The following SCNN1A variants were observed in gnomAD, a reference collection of about 807,000 sequenced individuals.
SCNN1A encodes the protein sodium channel epithelial 1 subunit alpha.
A neutral mutation model predicts 68.6 loss-of-function variants in SCNN1A; 65 were observed. That is an observed-to-expected ratio of 0.95 (90% CI 0.78 to 1.16). SCNN1A has a LOEUF of 1.16. Among genes scored for constraint, SCNN1A ranks in the 50% most tolerant of loss-of-function variants. The pLI, the probability that SCNN1A is intolerant of heterozygous loss-of-function variation, is 0.00. For synonymous variants in SCNN1A, 357 were observed against 353.3 expected, an observed-to-expected ratio of 1.01 and a Z score of -0.12; for missense variants, 880 against 865.9, an observed-to-expected ratio of 1.02 and a Z score of -0.20.
intron 8 of SCNN1A, among the ~76,000 whole-genome samples, chr12:6,352,833 G>A (rs529987697): frequency 1.3e-5 from 2 of 152,366 alleles, no homozygotes; most frequent in African/African-American, 4.8e-5. Flanking sequence ...ACCACAGACA[G>A]GAACAAGGTA....
At chr12:6,375,451 G>A in intron 1 of SCNN1A, 54 bp downstream of exon 1, 1 of 1,535,350 alleles carries the variant, frequency 6.5e-7, no homozygotes, top group Admixed American at 2.0e-5. Context: ...CGGCTGGACT[G>A]GGACTGGTTC....
In SCNN1A at chr12:6,374,677, G is replaced by A. The variant is rs750349787; in HGVS notation, c.107C>T (p.Ala36Val). ...REEQGLGPEPAAPQQPTAEEE... is the reference protein window; with the variant it reads ...REEQGLGPEPVAPQQPTAEEE... ...CTCCGCCGTGGGCTGCTGGGGCGCC[G>A]CAGGTTCGGGGCCCAGCCCCTGCTC... Residue 36 changes from alanine (A) to valine (V), a missense_variant, in exon 2 of 13, where the codon GCG (alanine) becomes GTG (valine). By Grantham distance (64) the Ala-to-Val change is moderately conservative (BLOSUM62 0). Coordinates refer to ENST00000228916, the MANE Select transcript of SCNN1A (RefSeq NM_001038.6). The surrounding 1 kb of genome is among the most constrained non-coding windows in gnomAD (Gnocchi z 6.2). 23 of 1,613,724 alleles carry A rather than the reference G, an allele frequency of 1.4e-5. No individual in the cohort carries two copies. The highest frequency in any genetic ancestry group is 3.3e-5 in the South Asian group (3 of 91,092).
Position 6,347,923 on chromosome 12 carries a change from C to A in SCNN1A, c.1960G>T (p.Gly654Trp), listed in dbSNP as rs1948289804. The change falls in exon 13 of 13, where the codon GGG becomes TGG. Residue 654 changes from glycine to tryptophan, a missense_variant. Coordinates refer to ENST00000228916, the MANE Select transcript of SCNN1A (RefSeq NM_001038.6). The part of the protein sequence containing the change: ...YATLGPRPSP[G>W]GSAGASSSTC... Reference sequence around the variant, plus strand: ...GAGGAACTGGCCCCTGCAGAGCCCCCTGGAGATGGGCGGGGGCCCAGGGTG... The same window carrying A: ...GAGGAACTGGCCCCTGCAGAGCCCCATGGAGATGGGCGGGGGCCCAGGGTG... The A allele has an allele frequency of 6.3e-7, 1 of 1,592,830 alleles. No homozygotes were observed. The highest frequency in any genetic ancestry group is 8.6e-7 in the Non-Finnish European group (1 of 1,169,124).
rs1565474044 is a variant in SCNN1A, at chr12:6,347,796, T to C, written c.*77A>G. 7.8e-6 allele frequency: 10 copies of C among 1,285,522 alleles called. No individual in the cohort carries two copies. Among genetic ancestry groups the C allele is most frequent in the Middle Eastern group, 2.6e-4 (1 of 3,862 alleles). 79.6% of individuals were successfully genotyped at this position (1,285,522 alleles called of 1,614,324 possible). ...CGGCTCTGAGAGGAAGCCCTGCACATCCTTCAATCTTGCCAGGGCCAGCAC... is the reference window on the plus strand; with the variant it reads ...CGGCTCTGAGAGGAAGCCCTGCACACCCTTCAATCTTGCCAGGGCCAGCAC... On this transcript the variant is annotated 3_prime_UTR_variant, in exon 13 of 13. Transcript: ENST00000228916.
Position 6,372,012 on chromosome 12 carries a change from G to T in SCNN1A, c.416+2356C>A, listed in dbSNP as rs1948803233. ...GGGGTTTCACCATGATGGCCAGGCT[G>T]GTCTCGAACTCCTGGCCTCAAGTGA... is the stretch of plus-strand genomic sequence containing the variant. On this transcript the variant is annotated intron_variant, in intron 2 of 12. Transcript: ENST00000228916. This position sits in a 1 kb window ranked among gnomAD's most constrained non-coding sequence, Gnocchi z 5.8. 6.6e-6 allele frequency among the ~76,000 whole-genome samples: 1 copy of T among 152,176 alleles called. No individual in the cohort carries two copies. The highest frequency in any genetic ancestry group is 2.4e-5 in the African/African-American group (1 of 41,532).
chr12:6,352,588 G>A (rs1948406048), intron 8 of SCNN1A, among the ~76,000 whole-genome samples: 1 of 152,192 alleles, frequency 6.6e-6, no homozygotes, highest in South Asian at 2.1e-4. Context: ...ATCACAGGTG[G>A]CATCTCCTCC....
rs13306617 is a variant in SCNN1A at position 6,375,500 on chromosome 12, C to A, written c.-55+5G>T. 3.3e-6 allele frequency: 5 copies of A among 1,535,470 alleles called. No homozygotes were observed. Among genetic ancestry groups the A allele is most frequent in the Admixed American group, 3.9e-5 (2 of 50,986 alleles). ...TCTGGCAGCCAAACCTCTCCTCCCC[C>A]TCACCTGACAGGTGCAGCGGCCTGG... On this transcript the variant is annotated splice_donor_5th_base_variant and intron_variant, in intron 1 of 12. Transcript: ENST00000228916.
Position 6,374,962 on chromosome 12 carries a change from T to C in SCNN1A, c.-54-125A>G. ...GAGGCTGCCCCTGGCCATGCCCATG[T>C]CCCACCCTGCGCCCACATTCTCCCA... On this transcript the variant is annotated intron_variant, in intron 1 of 12. Coordinates refer to ENST00000228916, the MANE Select transcript of SCNN1A (RefSeq NM_001038.6). This position sits in a 1 kb window ranked among gnomAD's most constrained non-coding sequence, Gnocchi z 6.2. The C allele has an allele frequency of 6.4e-7, 1 of 1,566,514 alleles. No homozygotes were observed. The highest frequency in any genetic ancestry group is 1.2e-5 in the South Asian group (1 of 86,470).
chr12:6,351,296 G>A lies in SCNN1A; in HGVS notation c.1361-1891C>T, dbSNP rs1450588417. ...ATGCTAAGTGAAATAAGGCAGACAC[G>A]AGGGTCACACACTCTAAGATTCCAT... is the stretch of plus-strand genomic sequence containing the variant. On this transcript the variant is annotated intron_variant, in intron 8 of 12. Transcript: ENST00000228916. The surrounding 1 kb of genome is among the most constrained non-coding windows in gnomAD (Gnocchi z 4.2). Among the ~76,000 whole-genome samples, 1 of 152,144 alleles carries A rather than the reference G, an allele frequency of 6.6e-6. No homozygotes were observed. The highest frequency in any genetic ancestry group is 1.5e-5 in the Non-Finnish European group (1 of 68,028).
intron 8 of SCNN1A, among the ~76,000 whole-genome samples, chr12:6,352,946 C>T (rs1346606401): frequency 6.6e-6 from 1 of 152,230 alleles, no homozygotes; most frequent in African/African-American, 2.4e-5. Context: ...GCCCTCCGCC[C>T]ACCCTGTGGG....
At chr12:6,363,383 G>A (rs1948614393) in intron 3 of SCNN1A, 60 bp downstream of exon 3, 16 of 1,428,264 alleles carry the variant, frequency 1.1e-5, no homozygotes, top group Non-Finnish European at 1.4e-5. Context: ...GAGCCCATGG[G>A]TGGGCGGGGC....
At chr12:6,348,847 T>C in intron 11 of SCNN1A, 45 bp from the exon 12 acceptor site, 1 of 1,603,746 alleles carries the variant, frequency 6.2e-7, no homozygotes, top group Non-Finnish European at 8.5e-7. Context: ...AGAGGATGAA[T>C]TTCCTGGACC....
In SCNN1A at chr12:6,348,219, C is replaced by T. The variant is rs1374136191; in HGVS notation, c.1664G>A (p.Trp555Ter). ...CACCGAGGAGCCGAACCACAGGCTC[C>T]ACTGGCTGCCCAGGTTGGACAGGAG... The part of the protein sequence containing the change: ...VTLLSNLGSQ[W>*]SLWFGSSVLS... The change falls in exon 13 of 13, where the codon TGG (tryptophan) becomes TAG (stop). Residue 555 changes from tryptophan to a stop codon, truncating the protein, a stop_gained. Coordinates refer to ENST00000228916, the MANE Select transcript of SCNN1A (RefSeq NM_001038.6). LOFTEE classifies it low-confidence loss of function (END_TRUNC). The T allele has an allele frequency of 6.2e-7, 1 of 1,614,136 alleles. No homozygotes were observed. The highest frequency in any genetic ancestry group is 1.7e-5 in the Admixed American group (1 of 60,022).
chr12:6,366,495 T>C (rs1948681775), intron 2 of SCNN1A, among the ~76,000 whole-genome samples: 1 of 152,206 alleles, frequency 6.6e-6, no homozygotes, highest in Non-Finnish European at 1.5e-5. Flanking sequence ...CGAAACACAT[T>C]AGAACATAAA....
At chr12:6,369,584 G>A (rs1275475307) in intron 2 of SCNN1A, among the ~76,000 whole-genome samples, 1 of 152,118 alleles carries the variant, frequency 6.6e-6, no homozygotes, top group African/African-American at 2.4e-5. Flanking sequence ...TATAATCCCA[G>A]CACTTTGGGA....
intron 4 of SCNN1A, chr12:6,356,297 G>A (rs1656705920): frequency 7.5e-6 from 2 of 267,722 alleles, no homozygotes; most frequent in Non-Finnish European, 7.4e-6. Context: ...ATGCATCTAA[G>A]TGTTAGTTCC....
Position 6,351,581 on chromosome 12 carries a change from C to T in SCNN1A, c.1361-2176G>A, listed in dbSNP as rs905087468. On this transcript the variant is annotated intron_variant, in intron 8 of 12. Transcript: ENST00000228916. This position sits in a 1 kb window ranked among gnomAD's most constrained non-coding sequence, Gnocchi z 4.2. ...GGCAGAGGTAGCAGTGAGCCAAGATCGCGCCACTGCACTCCAGTCTGGGCG... is the reference window on the plus strand; with the variant it reads ...GGCAGAGGTAGCAGTGAGCCAAGATTGCGCCACTGCACTCCAGTCTGGGCG... Among the ~76,000 whole-genome samples, 8 of 150,656 alleles carry T rather than the reference C, an allele frequency of 5.3e-5. No homozygotes were observed. Among genetic ancestry groups the T allele is most frequent in the Non-Finnish European group, 8.8e-5 (6 of 67,798 alleles).
At chr12:6,357,226 C>A (rs1468488943) in intron 4 of SCNN1A, among the ~76,000 whole-genome samples, 1 of 152,024 alleles carries the variant, frequency 6.6e-6, no homozygotes, top group Non-Finnish European at 1.5e-5. Flanking sequence ...AAAGCAGGCA[C>A]AAGTTCCATC....
chr12:6,350,876 A>G (rs942415074), intron 8 of SCNN1A, among the ~76,000 whole-genome samples: 1 of 151,996 alleles, frequency 6.6e-6, no homozygotes, highest in Non-Finnish European at 1.5e-5. Flanking sequence ...ATAAATAAAA[A>G]TTTAAAAAGA....
Sources: gnomAD v4.1 joint callset for allele counts (sites outside exome capture counted in the v4.1 genomes callset) on GRCh38, gnomAD v4.1.1 for gene constraint, Gnocchi (gnomAD v3.1) non-coding constraint, MANE v1.5 for transcripts, NCBI Gene and HGNC (gene_info 2026-07-23, HGNC 2026-07-21) for gene names.